SLC35D1: variants seen among roughly 807,000 people sequenced by gnomAD.
SLC35D1 encodes solute carrier family 35 member D1.
SLC35D1 carries 31 observed loss-of-function variants against 46.7 expected under a neutral mutation model. The ratio of observed to expected loss-of-function variants is 0.66; its 90% CI spans 0.50 to 0.90. The LOEUF is 0.90. SLC35D1 is among the 40% of genes least tolerant of loss of function. SLC35D1 has a pLI of 0.00. For synonymous variants in SLC35D1, 195 were observed against 164.6 expected (o/e 1.18, Z -1.41); for missense variants, 397 against 426.2 (o/e 0.93, Z 0.60).
At chr1:67,026,458 A>G (rs575124487) in intron 8 of SLC35D1, among the ~76,000 whole-genome samples, 5 of 152,226 alleles carry the variant, frequency 3.3e-5, no homozygotes, top group Non-Finnish European at 7.4e-5. Context: ...GCAGAAGGTA[A>G]TCCTAGCCAT....
At chr1:67,010,234 A>G (rs1232879972) in intron 10 of SLC35D1, among the ~76,000 whole-genome samples, 1 of 152,192 alleles carries the variant, frequency 6.6e-6, no homozygotes, top group Non-Finnish European at 1.5e-5. Context: ...CCTGTTGAGT[A>G]CTATGCTCAC....
At chr1:67,005,996 TC>T (rs1667439323) in intron 11 of SLC35D1, among the ~76,000 whole-genome samples, 2 of 152,182 alleles carry the variant, frequency 1.3e-5, no homozygotes, top group Non-Finnish European at 2.9e-5. Flanking sequence ...TGAACCCAAT[TC>T]TTACACTTTT....
chr1:67,012,982 T>G (rs901663733), intron 10 of SLC35D1, among the ~76,000 whole-genome samples: 5 of 151,734 alleles, frequency 3.3e-5, no homozygotes, highest in African/African-American at 1.2e-4. Flanking sequence ...TGAAGGTATC[T>G]TCAATAAAAA....
At position 67,002,900 on chromosome 1, in the gene SLC35D1, G is replaced by A. The variant is rs1042094180; in HGVS notation, c.*1440C>T. The A allele has an allele frequency of 8.5e-5, 13 of 152,310 alleles. No homozygotes were observed. Among genetic ancestry groups the A allele is most frequent in the Non-Finnish European group, 1.9e-4 (13 of 68,050 alleles). 9.4% of individuals were successfully genotyped at this position (152,310 alleles called of 1,614,324 possible). A position where few individuals can be genotyped will look rare whatever the true frequency, so the allele number is the denominator to read the frequency against. On this transcript the variant is annotated 3_prime_UTR_variant, in exon 12 of 12. Transcript: ENST00000235345. ...CCTCAAAGTCAATGGATATCTCTGA[G>A]TCAAGTCATAGGGTTATGTTTGAGT...
At chr1:67,006,512 T>C (rs1002769610) in intron 11 of SLC35D1, among the ~76,000 whole-genome samples, 12 of 152,208 alleles carry the variant, frequency 7.9e-5, no homozygotes, top group Non-Finnish European at 1.5e-4. Context: ...AAAATAAAAA[T>C]GCTTTCTTAT....
chr1:67,021,846 A>G (rs568142769), intron 8 of SLC35D1, among the ~76,000 whole-genome samples: 5 of 152,218 alleles, frequency 3.3e-5, no homozygotes, highest in Admixed American at 6.5e-5. Context: ...AAGTAGTTTC[A>G]TAAGATTTTC....
At chr1:67,028,266 T>C (rs1283420872) in intron 8 of SLC35D1, among the ~76,000 whole-genome samples, 1 of 152,216 alleles carries the variant, frequency 6.6e-6, no homozygotes, top group Non-Finnish European at 1.5e-5. Context: ...ATATAGTTTA[T>C]CTTGGTATAT....
chr1:67,053,741 AGCCGGCGCCGCGCCGCC>A, intron 1 of SLC35D1, 53 bp downstream of exon 1: 1 of 1,344,198 alleles, frequency 7.4e-7, no homozygotes, highest in Non-Finnish European at 9.7e-7. Flanking sequence ...AAGTCCAGGG[AGCCGGCGCCGCGCCGCC>A]GCCGCCGCCC....
the SLC35D1 span, chr1:66,976,664 T>G: frequency 1.2e-6 from 2 of 1,608,074 alleles, no homozygotes. Context: ...ACGTTATGAT[T>G]TCTTTGCTCA....
downstream of SLC35D1, among the ~76,000 whole-genome samples, chr1:66,997,519 A>AAATAT (rs1553262615): frequency 5.7e-4 from 42 of 74,028 alleles, no homozygotes; most frequent in African/African-American, 1.2e-3. Flanking sequence ...AAAAAAAAAA[A>AAATAT]ATATATATAT....
At chr1:66,994,278 C>G in the SLC35D1 span, among the ~76,000 whole-genome samples, 1 of 152,272 alleles carries the variant, frequency 6.6e-6, no homozygotes, top group East Asian at 1.9e-4. Flanking sequence ...GCTGCAGCAC[C>G]CTGAGAACTG....
chr1:67,042,378 T>C, intron 7 of SLC35D1, 50 bp from the exon 8 acceptor site: 1 of 1,469,174 alleles, frequency 6.8e-7, no homozygotes, highest in South Asian at 1.1e-5. Flanking sequence ...TTCTAGCAGA[T>C]ACAACACTGT....
chr1:67,047,145 A>T, intron 7 of SLC35D1, 120 bp downstream of exon 7: 2 of 744,324 alleles, frequency 2.7e-6, no homozygotes, highest in Non-Finnish European at 4.7e-6. Flanking sequence ...TTTTACCCTC[A>T]GAGAGCCACT....
downstream of SLC35D1, among the ~76,000 whole-genome samples, chr1:66,995,452 A>C (rs1667229060): frequency 3.6e-5 from 1 of 27,744 alleles, no homozygotes; most frequent in South Asian, 6.4e-4. Context: ...AAAAAAAAAA[A>C]AAAAAAAAAA....
Position 67,053,941 on chromosome 1 carries a change from C to T in SLC35D1, c.73G>A (p.Asp25Asn), listed in dbSNP as rs758168156. Residue 25 changes from aspartate (D) to asparagine (N), a missense_variant, in exon 1 of 12, where the codon GAT (aspartate) becomes AAT (asparagine). Transcript: ENST00000235345. ...EAPAKSSTLR[D>N]EEELGMASAE... Reference sequence around the variant, plus strand: ...GACGCCATCCCCAGCTCCTCCTCATCTCGGAGTGTGGAGGATTTCGCGGGG... The same window carrying T: ...GACGCCATCCCCAGCTCCTCCTCATTTCGGAGTGTGGAGGATTTCGCGGGG... 1.2e-6 allele frequency: 2 copies of T among 1,613,702 alleles called. No individual in the cohort carries two copies. Among genetic ancestry groups the T allele is most frequent in the African/African-American group, 1.3e-5 (1 of 74,924 alleles).
chr1:66,993,921 C>A, the SLC35D1 span, among the ~76,000 whole-genome samples: 5 of 152,198 alleles, frequency 3.3e-5, no homozygotes, highest in African/African-American at 1.2e-4. Context: ...AAAGACGTTC[C>A]TCCTGCTTTT....
intron 10 of SLC35D1, among the ~76,000 whole-genome samples, chr1:67,014,673 T>TTG (rs1553265050): frequency 7.0e-6 from 1 of 143,280 alleles, no homozygotes; most frequent in Non-Finnish European, 1.5e-5. Flanking sequence ...ATTTTTAGTT[T>TTG]TTTTTTTTTT....
the SLC35D1 span, chr1:66,986,378 AATT>A: frequency 9.2e-5 from 148 of 1,606,174 alleles, 1 homozygote; most frequent in South Asian, 1.5e-3. Flanking sequence ...ATAAAATATT[AATT>A]ATTCTTGTTT....
Position 67,049,790 on chromosome 1 carries a change from T to C in SLC35D1, c.525A>G (p.Val175=), listed in dbSNP as rs1435459928. Residue 175 remains valine, a synonymous_variant, in exon 6 of 12, where the codon GTA becomes GTG. Transcript: ENST00000235345. Reference sequence around the variant, plus strand: ...ATAGGCCCACATCTTACCTGGCAGCTACAAAGGCTCCAATAATCATTGCAA... The same window carrying C: ...ATAGGCCCACATCTTACCTGGCAGCCACAAAGGCTCCAATAATCATTGCAA... ...TVFAMIIGAF[V]AASSDLAFDL... The C allele has an allele frequency of 6.2e-7, 1 of 1,613,664 alleles. No individual in the cohort carries two copies. Among genetic ancestry groups the C allele is most frequent in the Non-Finnish European group, 8.5e-7 (1 of 1,179,712 alleles).
Sources: gnomAD v4.1 joint callset for allele counts (sites outside exome capture counted in the v4.1 genomes callset) on GRCh38, gnomAD v4.1.1 for gene constraint, MANE v1.5 for transcripts, NCBI Gene and HGNC (gene_info 2026-07-23, HGNC 2026-07-21) for gene names.